NAV2: variants seen among roughly 807,000 people sequenced by gnomAD.
NAV2 encodes the protein helicase, APC down-regulated 1.
A neutral mutation model predicts 223.2 loss-of-function variants in NAV2; 54 were observed. That is an observed-to-expected ratio of 0.24 (90% CI 0.19 to 0.30). The LOEUF is 0.30. Ranked by LOEUF, NAV2 falls within the 10% of genes least tolerant of loss-of-function variation. NAV2 has a pLI of 1.00. For synonymous variants in NAV2, 1,279 were observed against 1,239.3 expected (o/e 1.03, Z -0.67); for missense variants, 2,806 against 3,147.5 (o/e 0.89, Z 2.60).
intron 1 of NAV2, among the ~76,000 whole-genome samples, chr11:19,378,937 A>G (rs749926900): frequency 6.6e-6 from 1 of 152,200 alleles, no homozygotes; most frequent in Non-Finnish European, 1.5e-5. Flanking sequence ...TAAGTGTGTC[A>G]GCAGAGGCCC....
chr11:19,814,755 C>G (rs1362181034), intron 1 of NAV2, among the ~76,000 whole-genome samples: 2 of 152,156 alleles, frequency 1.3e-5, no homozygotes, highest in African/African-American at 4.8e-5. Flanking sequence ...CTTGAGCCAC[C>G]ATGCCCAGGT....
intron 4 of NAV2, among the ~76,000 whole-genome samples, chr11:19,869,278 G>A (rs1368434390): frequency 6.6e-6 from 1 of 152,154 alleles, no homozygotes; most frequent in East Asian, 1.9e-4. Context: ...ATGCTGATTT[G>A]ATTCACCTGT....
intron 1 of NAV2, among the ~76,000 whole-genome samples, chr11:19,571,987 G>A (rs1201421044): frequency 1.3e-5 from 2 of 152,208 alleles, no homozygotes; most frequent in Non-Finnish European, 2.9e-5. Flanking sequence ...AGCACTCACT[G>A]TGTTAGGGAC....
At chr11:19,510,532 G>A (rs1334490441) in intron 1 of NAV2, among the ~76,000 whole-genome samples, 3 of 152,226 alleles carry the variant, frequency 2.0e-5, no homozygotes, top group Non-Finnish European at 4.4e-5. Flanking sequence ...TCACAAGGGT[G>A]TAAATATTTT....
At chr11:19,413,732 A>G (rs1159169567) in intron 1 of NAV2, among the ~76,000 whole-genome samples, 1 of 152,230 alleles carries the variant, frequency 6.6e-6, no homozygotes, top group South Asian at 2.1e-4. Context: ...ATCTCTCTGT[A>G]GAAACCCTAC....
intron 1 of NAV2, among the ~76,000 whole-genome samples, chr11:19,640,085 A>C (rs571665679): frequency 6.6e-6 from 1 of 152,248 alleles, no homozygotes; most frequent in South Asian, 2.1e-4. Context: ...AATTGAATTC[A>C]AAAACAGCCA....
chr11:19,983,961 G>C (rs1442776282), intron 10 of NAV2, among the ~76,000 whole-genome samples, 164 bp from the exon 11 acceptor site: 1 of 152,186 alleles, frequency 6.6e-6, no homozygotes, highest in Non-Finnish European at 1.5e-5. Flanking sequence ...TGGATCAGCA[G>C]CTGAGTTATC....
chr11:19,632,226 A>G (rs968957611), intron 1 of NAV2, among the ~76,000 whole-genome samples: 33 of 152,200 alleles, frequency 2.2e-4, no homozygotes, highest in African/African-American at 8.0e-4. Flanking sequence ...GTGCGGTACA[A>G]AGAACATTGG....
At chr11:19,779,865 C>T (rs1293678531) in intron 1 of NAV2, among the ~76,000 whole-genome samples, 2 of 152,120 alleles carry the variant, frequency 1.3e-5, no homozygotes, top group Non-Finnish European at 2.9e-5. Context: ...TCATTAGTAG[C>T]CCTCAGCAGG....
At chr11:19,471,024 C>G (rs2041948099) in intron 1 of NAV2, among the ~76,000 whole-genome samples, 1 of 152,150 alleles carries the variant, frequency 6.6e-6, no homozygotes, top group Non-Finnish European at 1.5e-5. Context: ...AAATCAACCA[C>G]CTCTAAATTC....
chr11:20,060,773 C>T (rs1459554361), intron 19 of NAV2, among the ~76,000 whole-genome samples: 1 of 152,216 alleles, frequency 6.6e-6, no homozygotes, highest in Admixed American at 6.5e-5. Context: ...ACTGCATGGG[C>T]AGAGACTCTG....
At position 19,456,640 on chromosome 11, in the gene NAV2, C is replaced by A. The variant is rs534840055; in HGVS notation, c.75+105613C>A. Among the ~76,000 whole-genome samples, 11 of 152,340 alleles carry A rather than the reference C, an allele frequency of 7.2e-5. No homozygotes were observed. The South Asian group carries it at 2.1e-3, about 29-fold the overall frequency. On this transcript the variant is annotated intron_variant, in intron 1 of 37. Transcript: ENST00000360655. ...ACTGACCCCAGCATCATCAAGTCAA[C>A]CCCAAGTCACTGAAGCTTAACTTTT...
intron 32 of NAV2, among the ~76,000 whole-genome samples, chr11:20,101,622 T>C (rs555211099): frequency 6.6e-6 from 1 of 152,152 alleles, no homozygotes; most frequent in Non-Finnish European, 1.5e-5. Flanking sequence ...ACCATCCCCA[T>C]TTTACAGAGA....
intron 10 of NAV2, among the ~76,000 whole-genome samples, chr11:19,982,501 A>G (rs534664178): frequency 6.6e-6 from 1 of 152,338 alleles, no homozygotes; most frequent in East Asian, 1.9e-4. Flanking sequence ...GGTTTTTAAA[A>G]TGATAAAGTT....
intron 2 of NAV2, among the ~76,000 whole-genome samples, chr11:19,841,850 A>T (rs2060530980): frequency 2.0e-5 from 3 of 152,188 alleles, no homozygotes; most frequent in Admixed American, 2.0e-4. Flanking sequence ...CCATTTAGAG[A>T]ATACTTACTA....
Position 20,105,601 on chromosome 11 carries a change from A to T in NAV2, c.6715A>T (p.Met2239Leu). The change falls in exon 35 of 38, where the codon ATG (methionine) becomes TTG (leucine). Residue 2239 changes from methionine to leucine, a missense_variant. By Grantham distance (15) the Met-to-Leu change is conservative. This residue lies in a region of NAV2 where 824 missense variants were observed against 1,069.4 expected (regional missense o/e 0.77). Coordinates refer to ENST00000349880, the MANE Select transcript of NAV2 (RefSeq NM_145117.5). ...FLGRFLRRKL[M>L]ETEISGRVRN... is the part of the protein sequence containing the mutation. Reference sequence around the variant, plus strand: ...TGGCCGATTCCTGAGGAGGAAGCTCATGGAAACAGAGATCAGTGGGCGGGT... The same window carrying T: ...TGGCCGATTCCTGAGGAGGAAGCTCTTGGAAACAGAGATCAGTGGGCGGGT... 1 of 1,614,098 alleles carries T rather than the reference A, an allele frequency of 6.2e-7. No individual in the cohort carries two copies. Among genetic ancestry groups the T allele is most frequent in the Non-Finnish European group, 8.5e-7 (1 of 1,180,004 alleles).
At chr11:19,994,546 C>G (rs1345018565) in intron 11 of NAV2, among the ~76,000 whole-genome samples, 1 of 136,604 alleles carries the variant, frequency 7.3e-6, no homozygotes, top group Non-Finnish European at 1.6e-5. Context: ...AAAACTCTGT[C>G]TCAAAGAAAA....
At chr11:20,106,569 A>C (rs2062132210) in intron 35 of NAV2, among the ~76,000 whole-genome samples, 1 of 151,458 alleles carries the variant, frequency 6.6e-6, no homozygotes, top group Non-Finnish European at 1.5e-5. Flanking sequence ...AAAAAAAAAA[A>C]AAAAATCCTT....
At chr11:20,085,713 G>A (rs747459213) in intron 26 of NAV2, among the ~76,000 whole-genome samples, 8 of 152,234 alleles carry the variant, frequency 5.3e-5, no homozygotes, top group African/African-American at 7.2e-5. Flanking sequence ...AGTGATGTAG[G>A]CACTGAGGCT....
Sources: allele counts gnomAD v4.1 joint callset (sites outside exome capture counted in the v4.1 genomes callset), GRCh38; gene constraint gnomAD v4.1.1; regional missense constraint gnomAD v4.1.1; transcripts MANE v1.5; gene names NCBI Gene and HGNC (gene_info 2026-07-23, HGNC 2026-07-21).